SMIM38: variants seen among roughly 807,000 people sequenced by gnomAD.
The protein encoded by SMIM38 is small integral membrane protein 38.
intron 1 of SMIM38, among the ~76,000 whole-genome samples, chr11:69,156,905 C>G (rs1856993496): frequency 6.6e-6 from 1 of 152,214 alleles, no homozygotes; most frequent in Non-Finnish European, 1.5e-5. Context: ...TGTCAGGGGA[C>G]CCTGCAGGCC....
In SMIM38 at chr11:69,160,572, AG is replaced by A. The variant is rs1857044313; in HGVS notation, c.*2478del. The A allele has an allele frequency of 1.3e-5, 2 of 152,332 alleles. No homozygotes were observed. The highest frequency in any genetic ancestry group is 1.3e-4 in the Admixed American group (2 of 15,288). 9.4% of individuals were successfully genotyped at this position (152,332 alleles called of 1,614,324 possible). A position where few individuals can be genotyped will look rare whatever the true frequency, so the allele number is the denominator to read the frequency against. On this transcript the variant is annotated 3_prime_UTR_variant, in exon 3 of 3. Transcript: ENST00000686237. Reference sequence around the variant, plus strand: ...GCCTGGCAGGGAGGACAGACGCTCAAGGCGGCCCCATGAGAACACAGCCACC... The same window carrying A: ...GCCTGGCAGGGAGGACAGACGCTCAAGCGGCCCCATGAGAACACAGCCACC...
In SMIM38 at chr11:69,161,152, C is replaced by T. The variant is rs1157562508; in HGVS notation, c.*3056C>T. 1 of 152,232 alleles carries T rather than the reference C, an allele frequency of 6.6e-6. No individual in the cohort carries two copies. The highest frequency in any genetic ancestry group is 1.5e-5 in the Non-Finnish European group (1 of 68,044). 9.4% of individuals were successfully genotyped at this position (152,232 alleles called of 1,614,324 possible). A position where few individuals can be genotyped will look rare whatever the true frequency, so the allele number is the denominator to read the frequency against. On this transcript the variant is annotated 3_prime_UTR_variant, in exon 3 of 3. Coordinates refer to ENST00000686237, the MANE Select transcript of SMIM38 (RefSeq NM_001369201.2). ...GGCAGGAAGAGAAAGGAAAGGGTGA[C>T]AGAGACAGAAAGCAATGTCCCCAGA...
chr11:69,156,904 AC>A (rs1301525055), intron 1 of SMIM38, among the ~76,000 whole-genome samples: 2 of 152,122 alleles, frequency 1.3e-5, no homozygotes, highest in African/African-American at 4.8e-5. Flanking sequence ...ATGTCAGGGG[AC>A]CCTGCAGGCC....
rs1056026758 is a variant in SMIM38, at chr11:69,161,382, T to C, written c.*3286T>C. 6 of 152,360 alleles carry C rather than the reference T, an allele frequency of 3.9e-5. No homozygotes were observed. The highest frequency in any genetic ancestry group is 2.1e-4 in the South Asian group (1 of 4,834). 9.4% of individuals were successfully genotyped at this position (152,360 alleles called of 1,614,324 possible). The stretch of plus-strand genomic sequence containing the variant: ...CGGGCCCCTTGGCCATTCTTTGTAA[T>C]GATGGTCTTTGTCTTGGACCCTATT... On this transcript the variant is annotated 3_prime_UTR_variant, in exon 3 of 3. Transcript: ENST00000686237.
chr11:69,155,596 C>T (rs1184220762), upstream of SMIM38: 2 of 152,318 alleles, frequency 1.3e-5, no homozygotes, highest in African/African-American at 4.8e-5. Context: ...GGGAGGTGCC[C>T]TGCCTGGTGT....
intron 1 of SMIM38, among the ~76,000 whole-genome samples, chr11:69,156,539 T>G (rs932451306): frequency 6.6e-6 from 1 of 152,078 alleles, no homozygotes. Context: ...GTGTCCTTAT[T>G]GGGTGTGCAC....
At position 69,157,827 on chromosome 11, in the gene SMIM38, CT is replaced by C. The variant is rs1857008614; in HGVS notation, c.-17del. The C allele has an allele frequency of 5.0e-6, 2 of 398,842 alleles. No homozygotes were observed. Among genetic ancestry groups the C allele is most frequent in the Non-Finnish European group, 8.8e-6 (2 of 226,262 alleles). The allele number at this position is 398,842 out of a possible 1,614,324, so 24.7% of individuals were successfully genotyped here. ...TTCCAGGGCAGAGGCTGCTGCTGCC[CT>C]TTGGGGCTGACTTCAGGCATGACCT... On this transcript the variant is annotated 5_prime_UTR_variant, in exon 2 of 3. An upstream open reading frame in the 5' UTR gains an earlier in-frame stop. Coordinates refer to ENST00000686237, the MANE Select transcript of SMIM38 (RefSeq NM_001369201.2).
rs1276082240 is a variant in SMIM38 at position 69,160,363 on chromosome 11, T to C, written c.*2267T>C. On this transcript the variant is annotated 3_prime_UTR_variant, in exon 3 of 3. Transcript: ENST00000686237. ...CACCACGCCCTGCTGATTTTTGTAT[T>C]TTTTAGTAGAGATGGTGTTTCACTA... 3 of 152,288 alleles carry C rather than the reference T, an allele frequency of 2.0e-5. No homozygotes were observed. The highest frequency in any genetic ancestry group is 3.9e-4 in the East Asian group (2 of 5,178). The allele number at this position is 152,288 out of a possible 1,614,324, so 9.4% of individuals were successfully genotyped here. A position where few individuals can be genotyped will look rare whatever the true frequency, so the allele number is the denominator to read the frequency against.
rs2134700646 is a variant in SMIM38, at chr11:69,159,492, G to A, written c.*1396G>A. 6.6e-6 allele frequency: 1 copy of A among 152,184 alleles called. No individual in the cohort carries two copies. Among genetic ancestry groups the A allele is most frequent in the South Asian group, 2.1e-4 (1 of 4,810 alleles). 9.4% of individuals were successfully genotyped at this position (152,184 alleles called of 1,614,324 possible). A position where few individuals can be genotyped will look rare whatever the true frequency, so the allele number is the denominator to read the frequency against. On this transcript the variant is annotated 3_prime_UTR_variant, in exon 3 of 3. Coordinates refer to ENST00000686237, the MANE Select transcript of SMIM38 (RefSeq NM_001369201.2). The stretch of plus-strand genomic sequence containing the variant: ...CCATTCAAGAGAGCTACAGACACGG[G>A]GGTGCTGGTGAGCAGGAGCCGAGAC...
Position 69,157,646 on chromosome 11 carries a change from G to C in SMIM38, c.-201G>C. 1 of 394,652 alleles carries C rather than the reference G, an allele frequency of 2.5e-6. No individual in the cohort carries two copies. The highest frequency in any genetic ancestry group is 3.6e-5 in the East Asian group (1 of 27,878). The allele number at this position is 394,652 out of a possible 1,614,324, so 24.4% of individuals were successfully genotyped here. On this transcript the variant is annotated 5_prime_UTR_variant, in exon 2 of 3. Transcript: ENST00000686237. ...GCCCCGGGCTGGAGTCTGGCGGGCA[G>C]ATCTGGCCTGCTTGGTGGCACCAGA... is the stretch of plus-strand genomic sequence containing the variant.
rs1464433260 is a variant in SMIM38, at chr11:69,158,152, C to G, written c.*150C>G. The G allele has an allele frequency of 2.5e-6, 1 of 395,432 alleles. No homozygotes were observed. Among genetic ancestry groups the G allele is most frequent in the African/African-American group, 2.1e-5 (1 of 48,574 alleles). The allele number at this position is 395,432 out of a possible 1,614,324, so 24.5% of individuals were successfully genotyped here. A position where few individuals can be genotyped will look rare whatever the true frequency, so the allele number is the denominator to read the frequency against. On this transcript the variant is annotated 3_prime_UTR_variant, in exon 2 of 3. Transcript: ENST00000686237. The stretch of plus-strand genomic sequence containing the variant: ...TCAGAGAGGCCTGAGATGGATCGTG[C>G]CTTCCCAGACTGACCAGGGCTGTCC...
chr11:69,161,617 T>A lies in SMIM38; in HGVS notation c.*3521T>A, dbSNP rs760281909. On this transcript the variant is annotated 3_prime_UTR_variant, in exon 3 of 3. Transcript: ENST00000686237. Reference sequence around the variant, plus strand: ...AGGCTGAGACAGACATGCTCCTTCTTAGAGACACATGGGAACATGCCTCTG... The same window carrying A: ...AGGCTGAGACAGACATGCTCCTTCTAAGAGACACATGGGAACATGCCTCTG... The A allele has an allele frequency of 1.8e-4, 28 of 152,148 alleles. No individual in the cohort carries two copies. The highest frequency in any genetic ancestry group is 3.3e-4 in the Admixed American group (5 of 15,280). 9.4% of individuals were successfully genotyped at this position (152,148 alleles called of 1,614,324 possible). A position where few individuals can be genotyped will look rare whatever the true frequency, so the allele number is the denominator to read the frequency against.
chr11:69,158,972 G>C lies in SMIM38; in HGVS notation c.*970G>C. On this transcript the variant is annotated 3_prime_UTR_variant, in exon 2 of 3. Transcript: ENST00000686237. Reference sequence around the variant, plus strand: ...GTTCCAGCAGATCGTGGATTGCAGCGAGGGCTGCTGACTGCATGCGGAACT... The same window carrying C: ...GTTCCAGCAGATCGTGGATTGCAGCCAGGGCTGCTGACTGCATGCGGAACT... 6.6e-6 allele frequency: 1 copy of C among 152,370 alleles called. No individual in the cohort carries two copies. The highest frequency in any genetic ancestry group is 1.5e-5 in the Non-Finnish European group (1 of 68,060). 9.4% of individuals were successfully genotyped at this position (152,370 alleles called of 1,614,324 possible).
Position 69,159,960 on chromosome 11 carries a change from T to C in SMIM38, c.*1864T>C, listed in dbSNP as rs1228680294. ...GCCCAGGGCTGTCTTGTTTTTAAAA[T>C]GGAAAGTTCGATGTCCTGGAAAACC... On this transcript the variant is annotated 3_prime_UTR_variant, in exon 3 of 3. Coordinates refer to ENST00000686237, the MANE Select transcript of SMIM38 (RefSeq NM_001369201.2). 6.6e-6 allele frequency: 1 copy of C among 152,182 alleles called. No homozygotes were observed. Among genetic ancestry groups the C allele is most frequent in the Non-Finnish European group, 1.5e-5 (1 of 68,024 alleles). The allele number at this position is 152,182 out of a possible 1,614,324, so 9.4% of individuals were successfully genotyped here. A position where few individuals can be genotyped will look rare whatever the true frequency, so the allele number is the denominator to read the frequency against.
chr11:69,156,531 G>A (rs1368517033), intron 1 of SMIM38, among the ~76,000 whole-genome samples: 2 of 152,150 alleles, frequency 1.3e-5, no homozygotes, highest in Non-Finnish European at 2.9e-5. Context: ...AGGTCAATGT[G>A]TCCTTATTGG....
Position 69,158,207 on chromosome 11 carries a change from G to A in SMIM38, c.*205G>A. The A allele has an allele frequency of 2.6e-6, 1 of 386,976 alleles. No individual in the cohort carries two copies. The allele number at this position is 386,976 out of a possible 1,614,324, so 24.0% of individuals were successfully genotyped here. A position where few individuals can be genotyped will look rare whatever the true frequency, so the allele number is the denominator to read the frequency against. On this transcript the variant is annotated 3_prime_UTR_variant, in exon 2 of 3. Transcript: ENST00000686237. ...GAGGCAGCTGGCCATGTGGGGAGAT[G>A]GAGGGGCCGGCCTTGCAGGTCCATC... is the stretch of plus-strand genomic sequence containing the variant.
chr11:69,156,588 A>ATGTG (rs1310302728), intron 1 of SMIM38, among the ~76,000 whole-genome samples: 20 of 61,212 alleles, frequency 3.3e-4, no homozygotes, highest in African/African-American at 5.7e-4. Context: ...ATACATGTGT[A>ATGTG]TGCGTGTGTG....
In SMIM38 at chr11:69,156,128, AT is replaced by A. The variant is rs1009483249; in HGVS notation, c.-674+15del. The A allele has an allele frequency of 1.3e-5, 2 of 152,334 alleles. No individual in the cohort carries two copies. The highest frequency in any genetic ancestry group is 4.8e-5 in the African/African-American group (2 of 41,468). 9.4% of individuals were successfully genotyped at this position (152,334 alleles called of 1,614,324 possible). A position where few individuals can be genotyped will look rare whatever the true frequency, so the allele number is the denominator to read the frequency against. On this transcript the variant is annotated intron_variant, in intron 1 of 2. Transcript: ENST00000686237. Reference sequence around the variant, plus strand: ...GCCCGGCCCAAGGTGAGTTGGCATCATGCTCCACTTCCCGTTTGAACGTGTG... The same window carrying A: ...GCCCGGCCCAAGGTGAGTTGGCATCAGCTCCACTTCCCGTTTGAACGTGTG...
rs1857045906 is a variant in SMIM38 at position 69,160,732 on chromosome 11, T to C, written c.*2636T>C. The stretch of plus-strand genomic sequence containing the variant: ...TGTTCCTGGAAAATGGACACAATTC[T>C]GATGAATTCATGTATTCTGCATCCA... On this transcript the variant is annotated 3_prime_UTR_variant, in exon 3 of 3. Transcript: ENST00000686237. 6.6e-6 allele frequency: 1 copy of C among 152,276 alleles called. No individual in the cohort carries two copies. The highest frequency in any genetic ancestry group is 2.4e-5 in the African/African-American group (1 of 41,466). 9.4% of individuals were successfully genotyped at this position (152,276 alleles called of 1,614,324 possible). A position where few individuals can be genotyped will look rare whatever the true frequency, so the allele number is the denominator to read the frequency against.
Sources: allele counts gnomAD v4.1 joint callset (sites outside exome capture counted in the v4.1 genomes callset), GRCh38; gene constraint gnomAD v4.1.1; transcripts MANE v1.5; gene names NCBI Gene and HGNC (gene_info 2026-07-23, HGNC 2026-07-21).